RASSF3: variants seen among roughly 807,000 people sequenced by gnomAD.
RASSF3 encodes Ras association domain family member 3.
A neutral mutation model predicts 19.9 loss-of-function variants in RASSF3; 19 were observed. The observed-to-expected ratio is 0.96, with a 90% CI of 0.67 to 1.40. The LOEUF (loss-of-function observed/expected upper bound fraction) is 1.40. Among genes scored for constraint, RASSF3 ranks in the 40% most tolerant of loss-of-function variants. The pLI, the probability that RASSF3 is intolerant of heterozygous loss-of-function variation, is 0.00. For missense variants in RASSF3, 306 were observed against 289.8 expected, an observed-to-expected ratio of 1.06 and a Z score of -0.41; for synonymous variants, 110 against 104.2, an observed-to-expected ratio of 1.06 and a Z score of -0.34.
At chr12:64,543,438 C>T (rs1183959127), downstream of RASSF3, among the ~76,000 whole-genome samples, 1 of 65,568 alleles carries the variant, frequency 1.5e-5, no homozygotes, top group Non-Finnish European at 2.9e-5. Flanking sequence ...CGCCCGCCCC[C>T]CCCGTGCCCG....
At chr12:64,601,639 T>C (rs549167618) in intron 2 of RASSF3, among the ~76,000 whole-genome samples, 9 of 150,862 alleles carry the variant, frequency 6.0e-5, no homozygotes, top group African/African-American at 1.9e-4. Context: ...CTGGGCAACA[T>C]GGAGGGACCC....
chr12:64,682,213 T>A (rs1272539078), intron 1 of RASSF3, among the ~76,000 whole-genome samples: 2 of 152,116 alleles, frequency 1.3e-5, no homozygotes, highest in Non-Finnish European at 2.9e-5. Flanking sequence ...ATTTATCCAG[T>A]ATTACCCAAT....
intron 1 of RASSF3, among the ~76,000 whole-genome samples, chr12:64,664,972 G>C (rs1430976451): frequency 6.6e-6 from 1 of 152,114 alleles, no homozygotes; most frequent in Non-Finnish European, 1.5e-5. Flanking sequence ...CAGTTTAATA[G>C]TGCTTACTAA....
chr12:64,540,329 T>C (rs1233933587), intron 1 of RASSF3, among the ~76,000 whole-genome samples: 1 of 152,220 alleles, frequency 6.6e-6, no homozygotes, highest in Non-Finnish European at 1.5e-5. Context: ...TATTTATGTG[T>C]CTTAATGTGG....
intron 1 of RASSF3, among the ~76,000 whole-genome samples, chr12:64,662,726 G>T (rs1034216851): frequency 1.3e-5 from 2 of 152,122 alleles, no homozygotes; most frequent in Non-Finnish European, 2.9e-5. Context: ...TCTTGTTTCC[G>T]TGTGAAATGT....
At chr12:64,659,028 G>T (rs1243511324) in intron 1 of RASSF3, among the ~76,000 whole-genome samples, 1 of 152,178 alleles carries the variant, frequency 6.6e-6, no homozygotes, top group Admixed American at 6.5e-5. Flanking sequence ...AACCATGATT[G>T]TGCCACTGCA....
intron 1 of RASSF3, among the ~76,000 whole-genome samples, 164 bp from the exon 2 acceptor site, chr12:64,684,623 G>T (rs1000344269): frequency 2.5e-4 from 38 of 151,900 alleles, no homozygotes; most frequent in Non-Finnish European, 4.7e-4. Flanking sequence ...TAGAGACAGG[G>T]TTTCTCCATT....
intron 1 of RASSF3, among the ~76,000 whole-genome samples, chr12:64,612,482 T>TC (rs1426593095): frequency 2.0e-5 from 3 of 147,966 alleles, no homozygotes; most frequent in Non-Finnish European, 4.5e-5. Context: ...AGCGTTTCTT[T>TC]TTTTTTTTTT....
At chr12:64,521,081 C>T (rs76171538) in intron 1 of RASSF3, among the ~76,000 whole-genome samples, 168 of 152,232 alleles carry the variant, frequency 1.1e-3, no homozygotes, top group East Asian at 8.3e-3. Context: ...TGCACAAGCT[C>T]CCTGTTGTGG....
chr12:64,581,501 G>C (rs1869695810), intron 2 of RASSF3, among the ~76,000 whole-genome samples: 1 of 152,146 alleles, frequency 6.6e-6, no homozygotes, highest in Non-Finnish European at 1.5e-5. Flanking sequence ...CTTGAGCCAG[G>C]AGTTTGAGAC....
chr12:64,560,464 A>C lies in RASSF3; in HGVS notation c.294+18759A>C. Among the ~76,000 whole-genome samples the C allele has an allele frequency of 1.3e-5, 2 of 152,166 alleles. 1 individual carries two copies. The highest frequency in any genetic ancestry group is 1.3e-4 in the Admixed American group (2 of 15,266). ...CTCTCCCTGTAGCTATCATTCCCCC[A>C]CAACCATAGCTCTCCAATGCCTGGA... On this transcript the variant is annotated intron_variant, in intron 2 of 5. Transcript: ENST00000637125.
intron 1 of RASSF3, among the ~76,000 whole-genome samples, chr12:64,668,718 G>C (rs1872604457): frequency 1.6e-5 from 2 of 128,078 alleles, no homozygotes; most frequent in African/African-American, 6.0e-5. Flanking sequence ...GTCTCACTCT[G>C]TCGCCCAGGC....
chr12:64,639,350 T>C (rs1374985839), intron 1 of RASSF3, among the ~76,000 whole-genome samples: 1 of 148,380 alleles, frequency 6.7e-6, no homozygotes, highest in Non-Finnish European at 1.5e-5. Flanking sequence ...AAAAAAGAAA[T>C]TCCTAAACTG....
intron 3 of RASSF3, 149 bp downstream of exon 3, chr12:64,688,602 C>T: frequency 1.4e-6 from 1 of 694,118 alleles, no homozygotes; most frequent in Non-Finnish European, 2.6e-6. Flanking sequence ...TCTTAGCATG[C>T]ACTTAGTGCT....
chr12:64,548,074 T>C (rs1869099433), intron 2 of RASSF3, among the ~76,000 whole-genome samples: 1 of 152,204 alleles, frequency 6.6e-6, no homozygotes, highest in South Asian at 2.1e-4. Context: ...CCATGTTTCC[T>C]GCCGCTCTAT....
rs945036506 is a variant in RASSF3, at chr12:64,565,239, C to T, written c.294+23534C>T. 1.8e-4 allele frequency among the ~76,000 whole-genome samples: 27 copies of T among 150,954 alleles called. 1 individual carries two copies. Among genetic ancestry groups the T allele is most frequent in the African/African-American group, 6.6e-4 (27 of 41,130 alleles). ...CAACTTGGAGACTGTTAGGAGGGCACTGAGGGGAGGGTGTCTTTTTGCACC... is the reference window on the plus strand; with the variant it reads ...CAACTTGGAGACTGTTAGGAGGGCATTGAGGGGAGGGTGTCTTTTTGCACC... On this transcript the variant is annotated intron_variant, in intron 2 of 5. Coordinates refer to the RASSF3 transcript ENST00000637125.
chr12:64,535,754 C>T (rs938468469), intron 1 of RASSF3, among the ~76,000 whole-genome samples: 43 of 148,840 alleles, frequency 2.9e-4, no homozygotes, highest in African/African-American at 1.0e-3. Flanking sequence ...ATGGCATGAT[C>T]TTGGGTCACT....
At chr12:64,688,521 G>C in intron 3 of RASSF3, 68 bp downstream of exon 3, 2 of 1,112,098 alleles carry the variant, frequency 1.8e-6, no homozygotes, top group Non-Finnish European at 2.7e-6. Flanking sequence ...CATTAGCAGA[G>C]GGAAGACTGG....
intron 1 of RASSF3, among the ~76,000 whole-genome samples, chr12:64,681,611 C>G (rs1037340308): frequency 5.9e-5 from 9 of 152,170 alleles, no homozygotes; most frequent in African/African-American, 2.2e-4. Flanking sequence ...ACAGTTAAAA[C>G]TGAATGTACA....
Sources: allele counts gnomAD v4.1 joint callset (sites outside exome capture counted in the v4.1 genomes callset), GRCh38; gene constraint gnomAD v4.1.1; transcripts MANE v1.5; gene names NCBI Gene and HGNC (gene_info 2026-07-23, HGNC 2026-07-21).